The following CDC37L1 variants were observed in gnomAD, a reference collection of about 807,000 sequenced individuals.
CDC37L1 encodes the protein cell division cycle 37 like 1, HSP90 cochaperone.
Under a neutral mutation model 45.9 loss-of-function variants are expected in CDC37L1, and 32 were observed. The ratio of observed to expected loss-of-function variants is 0.70; its 90% CI spans 0.53 to 0.94. The LOEUF (loss-of-function observed/expected upper bound fraction) is 0.94. Among genes scored for constraint, CDC37L1 ranks in the 40% least tolerant of loss-of-function variants. The probability of loss-of-function intolerance (pLI) is 0.00; values close to 1 mark genes in which losing one functional copy is unlikely to be tolerated. For missense variants in CDC37L1, 434 were observed against 405.7 expected, an observed-to-expected ratio of 1.07 and a Z score of -0.60; for synonymous variants, 150 against 133.0, an observed-to-expected ratio of 1.13 and a Z score of -0.88.
chr9:4,701,518 G>A (rs1021599577), intron 5 of CDC37L1, among the ~76,000 whole-genome samples: 2 of 152,198 alleles, frequency 1.3e-5, no homozygotes, highest in Non-Finnish European at 2.9e-5. Flanking sequence ...GAATGAATTG[G>A]ACAGATTAAA....
intron 3 of CDC37L1, among the ~76,000 whole-genome samples, chr9:4,690,062 A>G (rs1240055524): frequency 6.6e-6 from 1 of 152,220 alleles, no homozygotes; most frequent in Non-Finnish European, 1.5e-5. Flanking sequence ...CAAATATCAC[A>G]AAGTGTTGTA....
chr9:4,686,879 T>C (rs1404277778), intron 2 of CDC37L1, among the ~76,000 whole-genome samples: 1 of 152,228 alleles, frequency 6.6e-6, no homozygotes, highest in Non-Finnish European at 1.5e-5. Context: ...CAGATTCCAA[T>C]GATGTAGTGC....
chr9:4,700,686 G>A (rs983227471), intron 5 of CDC37L1, among the ~76,000 whole-genome samples: 8 of 152,062 alleles, frequency 5.3e-5, no homozygotes, highest in Non-Finnish European at 8.8e-5. Flanking sequence ...TTCATGGTAT[G>A]CTTACTTTGT....
At chr9:4,700,425 G>C (rs529968304) in intron 5 of CDC37L1, among the ~76,000 whole-genome samples, 13 of 152,314 alleles carry the variant, frequency 8.5e-5, no homozygotes, top group African/African-American at 2.9e-4. Flanking sequence ...TGGGATTACA[G>C]ACATGAGCCA....
chr9:4,697,518 T>A (rs1252655944), intron 4 of CDC37L1, among the ~76,000 whole-genome samples: 1 of 152,060 alleles, frequency 6.6e-6, no homozygotes, highest in Non-Finnish European at 1.5e-5. Context: ...ATTTTAAAAA[T>A]CCAGACGGTA....
intron 2 of CDC37L1, among the ~76,000 whole-genome samples, chr9:4,688,250 G>A (rs1405294345): frequency 1.3e-5 from 2 of 152,060 alleles, no homozygotes; most frequent in African/African-American, 2.4e-5. Context: ...CACCCGCCTC[G>A]GCCTCCCAAA....
At chr9:4,701,022 G>T (rs1841391185) in intron 5 of CDC37L1, among the ~76,000 whole-genome samples, 1 of 152,208 alleles carries the variant, frequency 6.6e-6, no homozygotes, top group Non-Finnish European at 1.5e-5. Flanking sequence ...TTTACAAGAA[G>T]ATAGGATGGC....
intron 6 of CDC37L1, among the ~76,000 whole-genome samples, chr9:4,703,833 G>A (rs1004086243): frequency 1.3e-5 from 2 of 152,096 alleles, no homozygotes; most frequent in Non-Finnish European, 2.9e-5. Context: ...AGTCATGGGG[G>A]GACTAGAATT....
At chr9:4,688,991 T>C (rs1841276613) in intron 3 of CDC37L1, among the ~76,000 whole-genome samples, 1 of 152,200 alleles carries the variant, frequency 6.6e-6, no homozygotes, top group African/African-American at 2.4e-5. Context: ...TTGGATATGA[T>C]GCTTTATAAT....
At chr9:4,687,052 A>T (rs1841253666) in intron 2 of CDC37L1, among the ~76,000 whole-genome samples, 1 of 152,126 alleles carries the variant, frequency 6.6e-6, no homozygotes, top group Non-Finnish European at 1.5e-5. Flanking sequence ...TGTGACTTGG[A>T]TTGTATTTCT....
At chr9:4,686,652 G>C (rs1392281319) in intron 2 of CDC37L1, among the ~76,000 whole-genome samples, 2 of 152,156 alleles carry the variant, frequency 1.3e-5, no homozygotes, top group African/African-American at 4.8e-5. Flanking sequence ...AAGGTTCTAA[G>C]ACAGCCTACA....
chr9:4,707,452 T>G lies in CDC37L1; in HGVS notation c.*1340T>G, dbSNP rs1841454265. The G allele has an allele frequency of 6.6e-6, 1 of 152,204 alleles. No individual in the cohort carries two copies. Among genetic ancestry groups the G allele is most frequent in the East Asian group, 1.9e-4 (1 of 5,202 alleles). The allele number at this position is 152,204 out of a possible 1,614,324, so 9.4% of individuals were successfully genotyped here. ...ACGTGTCTCAACTTGAGAAACCAAA[T>G]AGTGCGAAGGGACTCAGGGTGGCCA... On this transcript the variant is annotated 3_prime_UTR_variant, in exon 7 of 7. Transcript: ENST00000381854.
chr9:4,681,954 T>C (rs73395798), intron 1 of CDC37L1, among the ~76,000 whole-genome samples: 66 of 152,302 alleles, frequency 4.3e-4, no homozygotes, highest in African/African-American at 1.5e-3. Flanking sequence ...TGACCTAATA[T>C]TTTATTTAAT....
Position 4,701,862 on chromosome 9 carries a change from A to G in CDC37L1, c.748-2A>G. 1 of 1,585,402 alleles carries G rather than the reference A, an allele frequency of 6.3e-7. No homozygotes were observed. The highest frequency in any genetic ancestry group is 1.1e-5 in the South Asian group (1 of 87,340). ...CTTTGTTTTTTTTTTTGTTTTTTCTAGGCAGAGGAAGAAGGTTATTTTGAA... is the reference window on the plus strand; with the variant it reads ...CTTTGTTTTTTTTTTTGTTTTTTCTGGGCAGAGGAAGAAGGTTATTTTGAA... On this transcript the variant is annotated splice_acceptor_variant, in intron 5 of 6. Transcript: ENST00000381854. LOFTEE classifies it high-confidence loss of function.
chr9:4,697,847 G>C lies in CDC37L1; in HGVS notation c.715G>C (p.Gly239Arg). Residue 239 changes from glycine to arginine, a missense_variant, in exon 5 of 7, where the codon GGG becomes CGG. Transcript: ENST00000381854. ...MAKNCNVDPRGCFRLFFQKAK... is the reference protein window; with the variant it reads ...MAKNCNVDPRRCFRLFFQKAK... ...CAAAAACTGTAATGTGGATCCAAGA[G>C]GGTGTTTTCGTTTATTTTTCCAGAA... 3 of 1,613,144 alleles carry C rather than the reference G, an allele frequency of 1.9e-6. No individual in the cohort carries two copies. The highest frequency in any genetic ancestry group is 2.5e-6 in the Non-Finnish European group (3 of 1,179,362).
intron 1 of CDC37L1, among the ~76,000 whole-genome samples, 185 bp downstream of exon 1, chr9:4,680,084 C>A (rs1841175428): frequency 6.6e-6 from 1 of 152,152 alleles, no homozygotes; most frequent in Non-Finnish European, 1.5e-5. Flanking sequence ...GGAGGGCAGA[C>A]GGGGTGGCCA....
intron 1 of CDC37L1, 70 bp from the exon 2 acceptor site, chr9:4,684,807 G>C: frequency 2.6e-6 from 3 of 1,159,626 alleles, no homozygotes; most frequent in Non-Finnish European, 3.7e-6. Context: ...TTTGAATTAA[G>C]AAAAATTGAA....
At chr9:4,700,338 C>T (rs752859194) in intron 5 of CDC37L1, among the ~76,000 whole-genome samples, 1 of 151,948 alleles carries the variant, frequency 6.6e-6, no homozygotes, top group African/African-American at 2.4e-5. Context: ...TGTAGAGACA[C>T]GGTCTCACTG....
Position 4,679,610 on chromosome 9 carries a change from G to T in CDC37L1, c.-158G>T. On this transcript the variant is annotated 5_prime_UTR_variant, in exon 1 of 7. Transcript: ENST00000381854. ...GTGGCGAGGCCCAGGCTGTCGCCGG[G>T]TGTGCAGCGGCGTCGCGGCCAGTAG... 2 of 619,078 alleles carry T rather than the reference G, an allele frequency of 3.2e-6. No homozygotes were observed. Among genetic ancestry groups the T allele is most frequent in the South Asian group, 5.0e-5 (2 of 40,014 alleles). The allele number at this position is 619,078 out of a possible 1,614,324, so 38.3% of individuals were successfully genotyped here. A position where few individuals can be genotyped will look rare whatever the true frequency, so the allele number is the denominator to read the frequency against.
Sources: allele counts gnomAD v4.1 joint callset (sites outside exome capture counted in the v4.1 genomes callset), GRCh38; gene constraint gnomAD v4.1.1; transcripts MANE v1.5; gene names NCBI Gene and HGNC (gene_info 2026-07-23, HGNC 2026-07-21).